The following GSK3A variants were observed in gnomAD, a reference collection of about 807,000 sequenced individuals.
GSK3A encodes glycogen synthase kinase 3 alpha.
In GSK3A, 14 loss-of-function variants were observed where a neutral mutation model predicts 56.6. The ratio of observed to expected loss-of-function variants is 0.25; its 90% CI spans 0.16 to 0.39. The LOEUF is 0.39. Ranked by LOEUF, GSK3A falls within the 10% of genes least tolerant of loss-of-function variation. The pLI is 1.00. For synonymous variants in GSK3A, 301 were observed against 285.0 expected, an observed-to-expected ratio of 1.06 and a Z score of -0.56; for missense variants, 450 against 656.0, an observed-to-expected ratio of 0.69 and a Z score of 3.43.
At position 42,232,067 on chromosome 19, in the gene GSK3A, C is replaced by T. The variant is rs370675863; in HGVS notation, c.1368G>A (p.Pro456=). Residue 456 remains proline (P), a synonymous_variant, in exon 10 of 11, where the codon CCG becomes CCA. Coordinates refer to ENST00000222330, the MANE Select transcript of GSK3A (RefSeq NM_019884.3). ...RSPAGTTTLT[P]SSQALTETPT... is the part of the protein sequence containing the mutation. ...ATGGTCCCCACTTACCTTGTGAGGACGGGGTGAGGGTGGTAGTGCCCGCTG... is the reference window on the plus strand; with the variant it reads ...ATGGTCCCCACTTACCTTGTGAGGATGGGGTGAGGGTGGTAGTGCCCGCTG... The T allele has an allele frequency of 3.6e-5, 57 of 1,598,410 alleles. No homozygotes were observed. The African/African-American group carries it at 4.7e-4, about 13-fold the overall frequency.
Position 42,230,696 on chromosome 19 carries a change from G to A in GSK3A, c.*98C>T. The A allele has an allele frequency of 1.1e-6, 1 of 883,720 alleles. No homozygotes were observed. The highest frequency in any genetic ancestry group is 1.9e-6 in the Non-Finnish European group (1 of 539,124). 54.7% of individuals were successfully genotyped at this position (883,720 alleles called of 1,614,324 possible). On this transcript the variant is annotated 3_prime_UTR_variant, in exon 11 of 11. Coordinates refer to ENST00000222330, the MANE Select transcript of GSK3A (RefSeq NM_019884.3). Reference sequence around the variant, plus strand: ...TCATTTACCTCTGCCCTCTAGTCTAGGGGCCCAGCCAGGGCAGGAGCTTGA... The same window carrying A: ...TCATTTACCTCTGCCCTCTAGTCTAAGGGCCCAGCCAGGGCAGGAGCTTGA...
At position 42,230,755 on chromosome 19, in the gene GSK3A, G is replaced by A; in HGVS notation, c.*39C>T. The A allele has an allele frequency of 6.8e-7, 1 of 1,469,132 alleles. No individual in the cohort carries two copies. Among genetic ancestry groups the A allele is most frequent in the Non-Finnish European group, 9.3e-7 (1 of 1,071,404 alleles). The allele number at this position is 1,469,132 out of a possible 1,614,324, so 91.0% of individuals were successfully genotyped here. A position where few individuals can be genotyped will look rare whatever the true frequency, so the allele number is the denominator to read the frequency against. On this transcript the variant is annotated 3_prime_UTR_variant, in exon 11 of 11. Coordinates refer to ENST00000222330, the MANE Select transcript of GSK3A (RefSeq NM_019884.3). ...GGCCCCCCTTCCCAGCCCCTCTTGGGGCTCCCAGATGGAAGTGGAAGGGTG... is the reference window on the plus strand; with the variant it reads ...GGCCCCCCTTCCCAGCCCCTCTTGGAGCTCCCAGATGGAAGTGGAAGGGTG...
At chr19:42,233,738 C>T (rs542244459) in intron 6 of GSK3A, among the ~76,000 whole-genome samples, 1 of 152,294 alleles carries the variant, frequency 6.6e-6, no homozygotes, top group South Asian at 2.1e-4. Context: ...TCCTGGACTG[C>T]CTTCCTCTTG....
chr19:42,240,328 G>T, intron 1 of GSK3A, 186 bp from the exon 2 acceptor site: 1 of 617,476 alleles, frequency 1.6e-6, no homozygotes, highest in South Asian at 1.9e-5. Flanking sequence ...TTCCTTTCTG[G>T]GAATCTTAAG....
chr19:42,240,297 T>G lies in GSK3A; in HGVS notation c.284-155A>C, dbSNP rs564472998. 7.9e-5 allele frequency: 53 copies of G among 672,238 alleles called. No individual in the cohort carries two copies. The South Asian group carries it at 8.4e-4, about 11-fold the overall frequency. The allele number at this position is 672,238 out of a possible 1,614,324, so 41.6% of individuals were successfully genotyped here. Reference sequence around the variant, plus strand: ...TTGAGGAAAGGTGGATGCTGGGACCTTCCCAGTGACTTTTCCCCTCTTCCT... The same window carrying G: ...TTGAGGAAAGGTGGATGCTGGGACCGTCCCAGTGACTTTTCCCCTCTTCCT... On this transcript the variant is annotated intron_variant, in intron 1 of 10. Coordinates refer to ENST00000222330, the MANE Select transcript of GSK3A (RefSeq NM_019884.3).
Position 42,232,697 on chromosome 19 carries a change from C to G in GSK3A, c.1099-15G>C. On this transcript the variant is annotated splice_polypyrimidine_tract_variant and intron_variant, in intron 8 of 10. Transcript: ENST00000222330. ...GATTTGAACACCTGAGGGATGGGTG[C>G]AGGGCTCATGAGGGTGAGATGCCCT... is the stretch of plus-strand genomic sequence containing the variant. 1 of 1,552,564 alleles carries G rather than the reference C, an allele frequency of 6.4e-7. No homozygotes were observed. Among genetic ancestry groups the G allele is most frequent in the South Asian group, 1.2e-5 (1 of 81,408 alleles).
Position 42,242,364 on chromosome 19 carries a change from G to A in GSK3A, c.102C>T (p.Gly34=), listed in dbSNP as rs1445938856. The A allele has an allele frequency of 7.1e-7, 1 of 1,401,274 alleles. No individual in the cohort carries two copies. The allele number at this position is 1,401,274 out of a possible 1,614,324, so 86.8% of individuals were successfully genotyped here. ...EPGGGGGGGG[G]GPGGSASGPG... ...GGCCGGAGGCCGAGCCTCCGGGGCCGCCGCCGCCTCCTCCGCCTCCGCCGC... is the reference window on the plus strand; with the variant it reads ...GGCCGGAGGCCGAGCCTCCGGGGCCACCGCCGCCTCCTCCGCCTCCGCCGC... Residue 34 remains glycine (G), a synonymous_variant, in exon 1 of 11, where the codon GGC becomes GGT. Coordinates refer to ENST00000222330, the MANE Select transcript of GSK3A (RefSeq NM_019884.3).
chr19:42,238,320 T>C (rs2036270487), intron 2 of GSK3A, among the ~76,000 whole-genome samples: 2 of 150,096 alleles, frequency 1.3e-5, no homozygotes, highest in African/African-American at 4.9e-5. Flanking sequence ...GAGGCAGAGG[T>C]TGCAGTGAGC....
At chr19:42,231,996 A>G in intron 10 of GSK3A, 61 bp downstream of exon 10, 1 of 891,450 alleles carries the variant, frequency 1.1e-6, no homozygotes, top group East Asian at 2.6e-5. Flanking sequence ...CACTGAGCGA[A>G]CAGCCCCACC....
In GSK3A at chr19:42,230,527, G is replaced by A. The variant is rs2036216326; in HGVS notation, c.*267C>T. 2.0e-6 allele frequency: 1 copy of A among 511,978 alleles called. No homozygotes were observed. Among genetic ancestry groups the A allele is most frequent in the African/African-American group, 1.9e-5 (1 of 52,062 alleles). The allele number at this position is 511,978 out of a possible 1,614,324, so 31.7% of individuals were successfully genotyped here. A position where few individuals can be genotyped will look rare whatever the true frequency, so the allele number is the denominator to read the frequency against. On this transcript the variant is annotated 3_prime_UTR_variant, in exon 11 of 11. Transcript: ENST00000222330. Reference sequence around the variant, plus strand: ...GGAGGAGGTGGAGGTCTGGGGGAGGGGAGGGGGCCAAGGGGGTAGGAGGTC... The same window carrying A: ...GGAGGAGGTGGAGGTCTGGGGGAGGAGAGGGGGCCAAGGGGGTAGGAGGTC...
chr19:42,236,543 C>G, intron 4 of GSK3A, 63 bp downstream of exon 4: 1 of 970,730 alleles, frequency 1.0e-6, no homozygotes, highest in Admixed American at 1.7e-5. Context: ...CCATAAAAGG[C>G]AGGAGGCTCC....
chr19:42,242,381 C>T lies in GSK3A; in HGVS notation c.85G>A (p.Gly29Ser). ...CCGGGGCCGCCGCCGCCTCCTCCGC[C>T]TCCGCCGCCGGGCTCCGCGAACGAG... ...TSSFAEPGGGGGGGGGGPGGS... is the reference protein window; with the variant it reads ...TSSFAEPGGGSGGGGGGPGGS... Residue 29 changes from glycine to serine, a missense_variant, in exon 1 of 11, where the codon GGC becomes AGC. Transcript: ENST00000222330. The T allele has an allele frequency of 7.2e-7, 1 of 1,392,058 alleles. No homozygotes were observed. The highest frequency in any genetic ancestry group is 1.5e-5 in the South Asian group (1 of 65,180). The allele number at this position is 1,392,058 out of a possible 1,614,324, so 86.2% of individuals were successfully genotyped here.
chr19:42,242,376 TCCGCCTCCG>T lies in GSK3A; in HGVS notation c.81_89del (p.Gly33_Gly35del), dbSNP rs1181747006. On this transcript the variant is annotated inframe_deletion, in exon 1 of 11. Coordinates refer to ENST00000222330, the MANE Select transcript of GSK3A (RefSeq NM_019884.3). ...AGCCTCCGGGGCCGCCGCCGCCTCC[TCCGCCTCCG>T]CCGCCGGGCTCCGCGAACGAGCTAG... is the stretch of plus-strand genomic sequence containing the variant. 4 of 1,391,328 alleles carry T rather than the reference TCCGCCTCCG, an allele frequency of 2.9e-6. No homozygotes were observed. The highest frequency in any genetic ancestry group is 3.1e-5 in the South Asian group (2 of 65,032). The allele number at this position is 1,391,328 out of a possible 1,614,324, so 86.2% of individuals were successfully genotyped here. A position where few individuals can be genotyped will look rare whatever the true frequency, so the allele number is the denominator to read the frequency against.
chr19:42,234,346 C>T lies in GSK3A; in HGVS notation c.904+7G>A, dbSNP rs777008705. 2 of 1,609,846 alleles carry T rather than the reference C, an allele frequency of 1.2e-6. No homozygotes were observed. Among genetic ancestry groups the T allele is most frequent in the South Asian group, 1.1e-5 (1 of 90,974 alleles). On this transcript the variant is annotated splice_region_variant and intron_variant, in intron 6 of 10. Coordinates refer to ENST00000222330, the MANE Select transcript of GSK3A (RefSeq NM_019884.3). The surrounding 1 kb of genome is among the most constrained non-coding windows in gnomAD (Gnocchi z 5.7). ...CACTCCCCCCGCCACCCTCCCATAA[C>T]TCTGACCGATGGATGAGGTGTAATC...
At chr19:42,241,825 C>T (rs1321613333) in intron 1 of GSK3A, 2 of 193,528 alleles carry the variant, frequency 1.0e-5, no homozygotes, top group Non-Finnish European at 2.1e-5. Flanking sequence ...TCTTAGGAGA[C>T]AATAACCCTA....
Position 42,234,292 on chromosome 19 carries a change from A to C in GSK3A, c.904+61T>G, listed in dbSNP as rs2036242786. 2 of 1,208,884 alleles carry C rather than the reference A, an allele frequency of 1.7e-6. No homozygotes were observed. Among genetic ancestry groups the C allele is most frequent in the Non-Finnish European group, 2.5e-6 (2 of 810,790 alleles). 74.9% of individuals were successfully genotyped at this position (1,208,884 alleles called of 1,614,324 possible). ...CATCACCAAGCTTGGCATACAGCAC[A>C]CAGAAAACTCCAAAACTTCCCAGAT... On this transcript the variant is annotated intron_variant, in intron 6 of 10. Transcript: ENST00000222330. This position sits in a 1 kb window ranked among gnomAD's most constrained non-coding sequence, Gnocchi z 5.7.
Position 42,234,941 on chromosome 19 carries a change from A to G in GSK3A, c.667-263T>C, listed in dbSNP as rs2036247063. Among the ~76,000 whole-genome samples the G allele has an allele frequency of 6.6e-6, 1 of 152,196 alleles. No individual in the cohort carries two copies. The highest frequency in any genetic ancestry group is 1.5e-5 in the Non-Finnish European group (1 of 68,042). On this transcript the variant is annotated intron_variant, in intron 4 of 10. Transcript: ENST00000222330. The surrounding 1 kb of genome is among the most constrained non-coding windows in gnomAD (Gnocchi z 5.7). ...TGGGAGGCCAAGACCAGCCTCGCCA[A>G]CATGTTGAGATCCCGTCTCTACTAA...
chr19:42,242,202 C>G lies in GSK3A; in HGVS notation c.264G>C (p.Pro88=), dbSNP rs540584253. The change falls in exon 1 of 11, where the codon CCG becomes CCC. Residue 88 remains proline (P), a synonymous_variant. Transcript: ENST00000222330. Reference sequence around the variant, plus strand: ...ACTCACGGCCCAGCTTCACCCCGGGCGGCGGGAAGCTAGTGCCTGCGCCGG... The same window carrying G: ...ACTCACGGCCCAGCTTCACCCCGGGGGGCGGGAAGCTAGTGCCTGCGCCGG... ...GGPGAGTSFP[P]PGVKLGRDSG... is the part of the protein sequence containing the mutation. 6 of 1,435,356 alleles carry G rather than the reference C, an allele frequency of 4.2e-6. No homozygotes were observed. The South Asian group carries it at 4.2e-5, about 10-fold the overall frequency. 88.9% of individuals were successfully genotyped at this position (1,435,356 alleles called of 1,614,324 possible).
chr19:42,232,434 TCA>T, intron 9 of GSK3A, 60 bp downstream of exon 9: 1 of 1,496,520 alleles, frequency 6.7e-7, no homozygotes, highest in African/African-American at 1.4e-5. Context: ...ACCAAGCTCC[TCA>T]CAATCTTTGG....
Sources: allele counts gnomAD v4.1 joint callset (sites outside exome capture counted in the v4.1 genomes callset), GRCh38; gene constraint gnomAD v4.1.1; non-coding constraint Gnocchi (gnomAD v3.1); transcripts MANE v1.5; gene names NCBI Gene and HGNC (gene_info 2026-07-23, HGNC 2026-07-21).